Variants in NFIB observed in about 807,000 individuals in gnomAD.
The protein encoded by NFIB is nuclear factor 1 B-type.
Under a neutral mutation model 61.5 loss-of-function variants are expected in NFIB, and 11 were observed. The ratio of observed to expected loss-of-function variants is 0.18; its 90% confidence interval spans 0.11 to 0.30. The LOEUF is 0.30. Ranked by LOEUF, NFIB falls within the 10% of genes least tolerant of loss-of-function variation. The probability of loss-of-function intolerance (pLI) is 1.00; values close to 1 mark genes in which losing one functional copy is unlikely to be tolerated. For synonymous variants in NFIB, 260 were observed against 216.5 expected, an observed-to-expected ratio of 1.20 and a Z score of -1.76; for missense variants, 471 against 608.9, an observed-to-expected ratio of 0.77 and a Z score of 2.38.
the NFIB span, among the ~76,000 whole-genome samples, chr9:14,516,555 T>C: frequency 0.18 from 27,892 of 152,194 alleles, 3,041 homozygotes; most frequent in East Asian, 0.42. Flanking sequence ...TGGGAAATTA[T>C]CTGTTCCACA....
At chr9:14,241,306 T>C (rs965479423) in intron 2 of NFIB, among the ~76,000 whole-genome samples, 1 of 152,160 alleles carries the variant, frequency 6.6e-6, no homozygotes, top group Non-Finnish European at 1.5e-5. Context: ...AAATAGACTA[T>C]ATCAGTATCA....
the NFIB span, among the ~76,000 whole-genome samples, chr9:14,526,427 C>T: frequency 6.6e-6 from 1 of 152,070 alleles, no homozygotes; most frequent in African/African-American, 2.4e-5. Flanking sequence ...ATTTAAAATG[C>T]AATAAAATTT....
At chr9:14,393,243 C>T (rs1186542627) in intron 1 of NFIB, among the ~76,000 whole-genome samples, 2 of 152,122 alleles carry the variant, frequency 1.3e-5, no homozygotes, top group Non-Finnish European at 2.9e-5. Context: ...CACATCCTCC[C>T]AGTGCACTGG....
At chr9:14,472,579 G>A in the NFIB span, among the ~76,000 whole-genome samples, 1 of 152,092 alleles carries the variant, frequency 6.6e-6, no homozygotes, top group Admixed American at 6.6e-5. Context: ...TTGGTCTCAC[G>A]CCTGTAATCC....
At chr9:14,485,563 T>G in the NFIB span, among the ~76,000 whole-genome samples, 2 of 152,196 alleles carry the variant, frequency 1.3e-5, no homozygotes, top group African/African-American at 4.8e-5. Flanking sequence ...GGATCTGGGA[T>G]GTAGTGATGA....
At chr9:14,160,333 A>T (rs1243380464) in intron 3 of NFIB, among the ~76,000 whole-genome samples, 1 of 152,214 alleles carries the variant, frequency 6.6e-6, no homozygotes. Flanking sequence ...ATCTCAAATT[A>T]TAATCAGTAC....
At chr9:14,361,187 G>A (rs1202471461) in intron 1 of NFIB, 2 of 149,346 alleles carry the variant, frequency 1.3e-5, no homozygotes, top group Admixed American at 6.7e-5. Context: ...ATTAAATTCA[G>A]ATAAGTTTAA....
chr9:14,509,649 A>T, the NFIB span, among the ~76,000 whole-genome samples: 13 of 152,162 alleles, frequency 8.5e-5, no homozygotes, highest in Non-Finnish European at 1.0e-4. Context: ...CTTGGGTCCA[A>T]TCTGGAAGTT....
chr9:14,326,712 A>G (rs1307968004), intron 1 of NFIB, among the ~76,000 whole-genome samples: 1 of 151,826 alleles, frequency 6.6e-6, no homozygotes, highest in Non-Finnish European at 1.5e-5. Flanking sequence ...AAAAAAAAAA[A>G]AAAAGCCTGC....
intron 2 of NFIB, among the ~76,000 whole-genome samples, chr9:14,187,743 G>GA (rs1389085398): frequency 2.0e-5 from 3 of 151,890 alleles, no homozygotes. Context: ...GGAATTAACT[G>GA]AAAAAATAGG....
In NFIB at chr9:14,313,859, G is replaced by A; in HGVS notation, c.-348C>T. 1 of 1,203,808 alleles carries A rather than the reference G, an allele frequency of 8.3e-7. No individual in the cohort carries two copies. Among genetic ancestry groups the A allele is most frequent in the African/African-American group, 1.6e-5 (1 of 64,110 alleles). 74.6% of individuals were successfully genotyped at this position (1,203,808 alleles called of 1,614,324 possible). ...TGTTTTCTATTTTGCAGTTGTTGTT[G>A]TTGTTGGGGTGTAGGGGGTGCGCGA... On this transcript the variant is annotated 5_prime_UTR_variant, in exon 1 of 11. Coordinates refer to ENST00000380953, the MANE Select transcript of NFIB (RefSeq NM_001190737.2). This position sits in a 1 kb window ranked among gnomAD's most constrained non-coding sequence, Gnocchi z 4.5.
At chr9:14,399,560 T>G (rs2061722015), upstream of NFIB, among the ~76,000 whole-genome samples, 1 of 152,170 alleles carries the variant, frequency 6.6e-6, no homozygotes, top group Admixed American at 6.5e-5. Context: ...GTTTTTAATT[T>G]TTAACGTTGC....
At chr9:14,527,843 A>G in the NFIB span, among the ~76,000 whole-genome samples, 1 of 152,320 alleles carries the variant, frequency 6.6e-6, no homozygotes, top group East Asian at 1.9e-4. Context: ...GAAATTAAAT[A>G]CAATTTGAAA....
At chr9:14,193,212 C>T (rs541019444) in intron 2 of NFIB, among the ~76,000 whole-genome samples, 1 of 151,628 alleles carries the variant, frequency 6.6e-6, no homozygotes, top group South Asian at 2.1e-4. Context: ...ACCCATCCAT[C>T]CAAGTTTACT....
At chr9:14,126,936 T>G (rs1379637637) in intron 6 of NFIB, among the ~76,000 whole-genome samples, 4 of 152,222 alleles carry the variant, frequency 2.6e-5, no homozygotes, top group African/African-American at 9.6e-5. Flanking sequence ...GGACTCACTT[T>G]CGGCTCCTTT....
chr9:14,127,431 A>C (rs1465782110), intron 6 of NFIB, among the ~76,000 whole-genome samples: 2 of 152,188 alleles, frequency 1.3e-5, no homozygotes, highest in Non-Finnish European at 2.9e-5. Flanking sequence ...GCAATGATCA[A>C]CTCATAACAA....
intron 2 of NFIB, among the ~76,000 whole-genome samples, chr9:14,219,106 T>C (rs1304454964): frequency 6.6e-6 from 1 of 152,156 alleles, no homozygotes; most frequent in Non-Finnish European, 1.5e-5. Flanking sequence ...GTAGAAACTC[T>C]GATGGCTTTA....
In NFIB at chr9:14,307,471, A is replaced by C; in HGVS notation, c.80T>G (p.Ile27Ser). 1 of 1,613,554 alleles carries C rather than the reference A, an allele frequency of 6.2e-7. No individual in the cohort carries two copies. Among genetic ancestry groups the C allele is most frequent in the Non-Finnish European group, 8.5e-7 (1 of 1,179,754 alleles). The change falls in exon 2 of 11, where the codon ATT becomes AGT. Residue 27 changes from isoleucine to serine, a missense_variant. Physicochemically the swap from Ile to Ser is moderately radical, Grantham distance 142. This residue lies in a region of NFIB where 99 missense variants were observed against 213.3 expected (regional missense o/e 0.46). Transcript: ENST00000380953. This position sits in a 1 kb window ranked among gnomAD's most constrained non-coding sequence, Gnocchi z 5.3. ...IEALLPHVRA[I>S]AYTWFNLQAR... ...CTGCAGGTTGAACCAAGTATAGGCA[A>C]TTGCACGGACATGTGGAAGAAGTGC...
intron 2 of NFIB, among the ~76,000 whole-genome samples, chr9:14,232,318 C>T (rs376959463): frequency 1.7e-4 from 26 of 152,160 alleles, no homozygotes; most frequent in Non-Finnish European, 3.2e-4. Flanking sequence ...GGGATTACGA[C>T]CCCGTCACAC....
Sources: gnomAD v4.1 joint callset for allele counts (sites outside exome capture counted in the v4.1 genomes callset) on GRCh38, gnomAD v4.1.1 for gene constraint, gnomAD v4.1.1 regional missense constraint, Gnocchi (gnomAD v3.1) non-coding constraint, MANE v1.5 for transcripts, NCBI Gene and HGNC (gene_info 2026-07-23, HGNC 2026-07-21) for gene names.